Variants in MYBPC2 observed in about 807,000 individuals in gnomAD.
The protein encoded by MYBPC2 is myosin-binding protein C, fast-type.
A neutral mutation model predicts 137.0 loss-of-function variants in MYBPC2; 122 were observed. The observed-to-expected ratio is 0.89, with a 90% confidence interval of 0.77 to 1.03. The LOEUF (loss-of-function observed/expected upper bound fraction) is 1.03, where lower values mean the gene tolerates loss of function less well. Ranked by LOEUF, MYBPC2 falls within the 50% of genes least tolerant of loss-of-function variation. The probability of loss-of-function intolerance (pLI) is 0.00; values close to 1 mark genes in which losing one functional copy is unlikely to be tolerated. For missense variants in MYBPC2, 1,500 were observed against 1,534.4 expected (o/e 0.98, Z 0.37); for synonymous variants, 626 against 612.3 (o/e 1.02, Z -0.33).
At chr19:50,456,411 T>C (rs1489472781) in intron 20 of MYBPC2, among the ~76,000 whole-genome samples, 1 of 149,886 alleles carries the variant, frequency 6.7e-6, no homozygotes, top group African/African-American at 2.5e-5. Context: ...CATCTGTCCA[T>C]ATTTCCTTCG....
rs760636077 is a variant in MYBPC2 at position 50,436,768 on chromosome 19, C to T, written c.463+34C>T. On this transcript the variant is annotated intron_variant, in intron 5 of 27. Coordinates refer to ENST00000357701, the MANE Select transcript of MYBPC2 (RefSeq NM_004533.4). The stretch of plus-strand genomic sequence containing the variant: ...GTGGGGGATGCGGGAGCAAAGGGTT[C>T]TATGTCTGGGTGGGGTGGACAGATG... The T allele has an allele frequency of 6.3e-6, 10 of 1,593,608 alleles. No homozygotes were observed. The South Asian group carries it at 7.8e-5, about 12-fold the overall frequency.
rs540074187 is a variant in MYBPC2 at position 50,465,051 on chromosome 19, C to T, written c.3415+519C>T. On this transcript the variant is annotated intron_variant, in intron 27 of 27. Coordinates refer to ENST00000357701, the MANE Select transcript of MYBPC2 (RefSeq NM_004533.4). The surrounding 1 kb of genome is among the most constrained non-coding windows in gnomAD (Gnocchi z 4.5). ...CTTCCTCCCATATTCCATTTCCAGC[C>T]GCCTCCGTCTCCAGTCTCTCCCTCC... 6.2e-4 allele frequency among the ~76,000 whole-genome samples: 95 copies of T among 152,178 alleles called. No individual in the cohort carries two copies. The highest frequency in any genetic ancestry group is 2.1e-3 in the African/African-American group (89 of 41,534).
Position 50,464,464 on chromosome 19 carries a change from G to C in MYBPC2, c.3347G>C (p.Gly1116Ala). Residue 1116 changes from glycine to alanine, a missense_variant, in exon 27 of 28, where the codon GGG becomes GCG. By Grantham distance (60) the Gly-to-Ala change is moderately conservative. Coordinates refer to ENST00000357701, the MANE Select transcript of MYBPC2 (RefSeq NM_004533.4). ...NIRRPSPFDA[G>A]TYTCRAVNEL... ...CGTCGCCCCTCGCCCTTCGACGCTG[G>C]GACTTACACCTGCCGGGCCGTCAAC... 4 of 1,612,986 alleles carry C rather than the reference G, an allele frequency of 2.5e-6. No homozygotes were observed. Among genetic ancestry groups the C allele is most frequent in the Non-Finnish European group, 3.4e-6 (4 of 1,179,642 alleles).
At chr19:50,457,915 A>G (rs1212672958) in intron 20 of MYBPC2, among the ~76,000 whole-genome samples, 3 of 151,248 alleles carry the variant, frequency 2.0e-5, no homozygotes, top group South Asian at 4.2e-4. Context: ...CCTGGACTCA[A>G]GTGATCTGCC....
chr19:50,456,597 AT>A (rs201042875), intron 20 of MYBPC2, among the ~76,000 whole-genome samples: 2,807 of 146,572 alleles, frequency 0.019, 97 homozygotes, highest in African/African-American at 0.063. Context: ...TGCCCAGCTA[AT>A]TTTTTTTTTT....
chr19:50,452,986 T>G (rs1030711989), intron 16 of MYBPC2, among the ~76,000 whole-genome samples: 19 of 152,194 alleles, frequency 1.2e-4, no homozygotes, highest in Admixed American at 6.5e-5. Context: ...ATGGACAGAC[T>G]TGCTCAACAT....
rs539956078 is a variant in MYBPC2, at chr19:50,448,216, C to G, written c.1307-9C>G. 6.2e-7 allele frequency: 1 copy of G among 1,611,970 alleles called. No individual in the cohort carries two copies. The highest frequency in any genetic ancestry group is 1.3e-5 in the African/African-American group (1 of 75,012). On this transcript the variant is annotated splice_polypyrimidine_tract_variant and intron_variant, in intron 12 of 27. Transcript: ENST00000357701. The stretch of plus-strand genomic sequence containing the variant: ...AGTGACGGCTCCTTGTCTTTCTCTC[C>G]CTGACCAGAGAAACAGCTGGAGGTC...
intron 13 of MYBPC2, among the ~76,000 whole-genome samples, chr19:50,449,774 G>A (rs1030846873): frequency 8.5e-5 from 13 of 152,152 alleles, no homozygotes; most frequent in Non-Finnish European, 1.3e-4. Flanking sequence ...ACATCGTGCC[G>A]TTCAGGGCTT....
At chr19:50,463,105 C>T (rs1267118914) in intron 26 of MYBPC2, among the ~76,000 whole-genome samples, 1 of 152,210 alleles carries the variant, frequency 6.6e-6, no homozygotes, top group African/African-American at 2.4e-5. Context: ...CAAACCATCA[C>T]CCATGGGTCA....
intron 11 of MYBPC2, among the ~76,000 whole-genome samples, chr19:50,444,121 T>TCATCCACCCAGTC (rs1442452944): frequency 6.6e-6 from 1 of 150,378 alleles, no homozygotes; most frequent in Non-Finnish European, 1.5e-5. Flanking sequence ...AGGTATCCAC[T>TCATCCACCCAGTC]CATCCACCCA....
chr19:50,457,037 C>T lies in MYBPC2; in HGVS notation c.2338+1393C>T, dbSNP rs116889290. On this transcript the variant is annotated intron_variant, in intron 20 of 27. Coordinates refer to ENST00000357701, the MANE Select transcript of MYBPC2 (RefSeq NM_004533.4). ...CACTATCCCAGGTCTTAAAGTCAGA[C>T]AGATGCGGGTTCCAACCTTGCCCCT... 1.3e-3 allele frequency among the ~76,000 whole-genome samples: 200 copies of T among 152,332 alleles called. 3 individuals are homozygous for T. In the East Asian group the frequency reaches 0.034, roughly 26 times the overall value.
intron 9 of MYBPC2, 120 bp from the exon 10 acceptor site, chr19:50,443,374 C>A: frequency 1.6e-6 from 2 of 1,242,398 alleles, no homozygotes; most frequent in South Asian, 1.6e-5. Context: ...CAATCCCTTT[C>A]CACACAATTT....
chr19:50,445,827 G>C, intron 11 of MYBPC2, 53 bp from the exon 12 acceptor site: 1 of 1,528,992 alleles, frequency 6.5e-7, no homozygotes. Context: ...CCAAGACCCA[G>C]ACCGAGAGCT....
intron 18 of MYBPC2, among the ~76,000 whole-genome samples, chr19:50,454,863 T>C (rs1322076391): frequency 6.6e-6 from 1 of 152,130 alleles, no homozygotes; most frequent in Non-Finnish European, 1.5e-5. Context: ...ATTCTCACTT[T>C]GACCAGTAGC....
At chr19:50,451,818 C>T (rs1301724335) in intron 15 of MYBPC2, 46 bp from the exon 16 acceptor site, 9 of 1,565,916 alleles carry the variant, frequency 5.7e-6, no homozygotes, top group Non-Finnish European at 7.8e-6. Flanking sequence ...CTGGGAAGGC[C>T]CAGCCTCCCA....
chr19:50,443,855 C>G, intron 11 of MYBPC2, 39 bp downstream of exon 11: 1 of 1,572,970 alleles, frequency 6.4e-7, no homozygotes. Context: ...TACAGGTGCA[C>G]ATAGTTTCTT....
intron 21 of MYBPC2, 81 bp from the exon 22 acceptor site, chr19:50,458,837 C>G (rs968990676): frequency 6.3e-7 from 1 of 1,595,106 alleles, no homozygotes; most frequent in Non-Finnish European, 8.5e-7. Context: ...ACAGGACCTC[C>G]CCAGAGAGCC....
rs1324044903 is a variant in MYBPC2 at position 50,435,262 on chromosome 19, C to T, written c.109+12C>T. On this transcript the variant is annotated intron_variant, in intron 2 of 27. Transcript: ENST00000357701. This position sits in a 1 kb window ranked among gnomAD's most constrained non-coding sequence, Gnocchi z 4.8. The stretch of plus-strand genomic sequence containing the variant: ...AGAGGCCCCCAAAGGTGAGGAGGTG[C>T]TCCCTCGGGCTCAACCGACCTGGCT... 9.2e-7 allele frequency: 1 copy of T among 1,081,952 alleles called. No homozygotes were observed. Among genetic ancestry groups the T allele is most frequent in the Non-Finnish European group, 1.4e-6 (1 of 712,300 alleles). 67.0% of individuals were successfully genotyped at this position (1,081,952 alleles called of 1,614,324 possible). A position where few individuals can be genotyped will look rare whatever the true frequency, so the allele number is the denominator to read the frequency against.
rs768098951 is a variant in MYBPC2, at chr19:50,443,560, C to T, written c.969C>T (p.Asp323=). ...LTINKCTLAD[D]AAYEVAVKDE... ...TCAACAAGTGCACGCTGGCGGATGACGCTGCCTATGAAGTAGCTGTCAAGG... is the reference window on the plus strand; with the variant it reads ...TCAACAAGTGCACGCTGGCGGATGATGCTGCCTATGAAGTAGCTGTCAAGG... The change falls in exon 10 of 28, where the codon GAC becomes GAT. Residue 323 remains aspartate (D), a synonymous_variant. Coordinates refer to ENST00000357701, the MANE Select transcript of MYBPC2 (RefSeq NM_004533.4). 36 of 1,612,692 alleles carry T rather than the reference C, an allele frequency of 2.2e-5. No homozygotes were observed. The highest frequency in any genetic ancestry group is 2.2e-4 in the South Asian group (20 of 90,806).
Sources: gnomAD v4.1 joint callset for allele counts (sites outside exome capture counted in the v4.1 genomes callset) on GRCh38, gnomAD v4.1.1 for gene constraint, Gnocchi (gnomAD v3.1) non-coding constraint, MANE v1.5 for transcripts, NCBI Gene and HGNC (gene_info 2026-07-23, HGNC 2026-07-21) for gene names.